The following MCTP2 variants were observed in gnomAD, a reference collection of about 807,000 sequenced individuals.
MCTP2 encodes the protein multiple C2 and transmembrane domain-containing protein 2.
MCTP2 carries 132 observed loss-of-function variants against 111.6 expected under a neutral mutation model. The observed-to-expected ratio is 1.18, with a 90% CI of 1.03 to 1.37. The LOEUF is 1.37. Ranked by LOEUF, MCTP2 falls within the 40% of genes most tolerant of loss-of-function variation. The pLI is 0.00. For missense variants in MCTP2, 1,183 were observed against 1,067.9 expected, an observed-to-expected ratio of 1.11 and a Z score of -1.50; for synonymous variants, 395 against 387.7, an observed-to-expected ratio of 1.02 and a Z score of -0.22.
intron 1 of MCTP2, among the ~76,000 whole-genome samples, chr15:94,297,383 C>A (rs1301979418): frequency 2.0e-5 from 3 of 152,168 alleles, no homozygotes; most frequent in Non-Finnish European, 4.4e-5. Context: ...TCTCAGGCTA[C>A]ATCTCAGAAG....
intron 4 of MCTP2, among the ~76,000 whole-genome samples, chr15:94,322,722 G>A (rs188221893): frequency 7.2e-5 from 11 of 152,290 alleles, no homozygotes; most frequent in Admixed American, 4.6e-4. Flanking sequence ...TGCTTTCAGC[G>A]GAAGCATCTT....
intron 1 of MCTP2, among the ~76,000 whole-genome samples, chr15:94,295,060 G>C (rs1479632859): frequency 7.2e-6 from 1 of 139,184 alleles, no homozygotes; most frequent in Non-Finnish European, 1.5e-5. Flanking sequence ...AGCAATTCTT[G>C]TGCCTCAGCC....
chr15:94,467,677 G>T (rs1194561509), intron 20 of MCTP2, among the ~76,000 whole-genome samples: 1 of 152,078 alleles, frequency 6.6e-6, no homozygotes, highest in Non-Finnish European at 1.5e-5. Flanking sequence ...TTACTAACCA[G>T]CCTGGAGAAG....
chr15:94,382,538 T>C (rs955989361), intron 12 of MCTP2, among the ~76,000 whole-genome samples: 1 of 152,274 alleles, frequency 6.6e-6, no homozygotes, highest in African/African-American at 2.4e-5. Flanking sequence ...TCATCGCCCA[T>C]GCGTCTGCTC....
chr15:94,324,480 C>T (rs960880984), intron 4 of MCTP2, among the ~76,000 whole-genome samples: 1 of 152,164 alleles, frequency 6.6e-6, no homozygotes, highest in Non-Finnish European at 1.5e-5. Context: ...TTACTAGGGC[C>T]GTGAAAATCA....
chr15:94,245,961 T>C (rs149758872), intron 1 of MCTP2, among the ~76,000 whole-genome samples: 1 of 152,166 alleles, frequency 6.6e-6, no homozygotes, highest in African/African-American at 2.4e-5. Context: ...AAAAGATTAT[T>C]AGTGGTAACC....
At chr15:94,269,861 G>C (rs1242625112) in intron 1 of MCTP2, among the ~76,000 whole-genome samples, 1 of 152,028 alleles carries the variant, frequency 6.6e-6, no homozygotes, top group Non-Finnish European at 1.5e-5. Flanking sequence ...ATATTTAGCC[G>C]TGATACTGTT....
rs2074404419 is a variant in MCTP2, at chr15:94,476,807, G to A, written c.2568+14G>A. On this transcript the variant is annotated intron_variant, in intron 22 of 22. Coordinates refer to ENST00000357742, the MANE Select transcript of MCTP2 (RefSeq NM_001385001.1). ...GATGTTCAAAAGGTATGTAATGAAT[G>A]GTTACCACCAACAGTGGCCCCAACC... The A allele has an allele frequency of 1.4e-6, 2 of 1,442,682 alleles. No individual in the cohort carries two copies. The highest frequency in any genetic ancestry group is 1.4e-5 in the African/African-American group (1 of 71,308). The allele number at this position is 1,442,682 out of a possible 1,614,324, so 89.4% of individuals were successfully genotyped here. A position where few individuals can be genotyped will look rare whatever the true frequency, so the allele number is the denominator to read the frequency against.
At position 94,469,643 on chromosome 15, in the gene MCTP2, G is replaced by T. The variant is rs936718740; in HGVS notation, c.2361-690G>T. On this transcript the variant is annotated intron_variant, in intron 20 of 22. Transcript: ENST00000357742. ...AGCACTTTGGGAGGTCAAGGCAGGA[G>T]AATTGCTTGACCCCAGGAGTTCGAG... Among the ~76,000 whole-genome samples, 3 of 152,260 alleles carry T rather than the reference G, an allele frequency of 2.0e-5. No individual in the cohort carries two copies. The South Asian group carries it at 6.2e-4, about 32-fold the overall frequency.
At chr15:94,258,460 C>T (rs892339569) in intron 1 of MCTP2, among the ~76,000 whole-genome samples, 1 of 152,004 alleles carries the variant, frequency 6.6e-6, no homozygotes, top group African/African-American at 2.4e-5. Context: ...TTTGAATGTG[C>T]CAGAGTAAGT....
intron 1 of MCTP2, among the ~76,000 whole-genome samples, chr15:94,233,363 T>G (rs1470036271): frequency 6.6e-6 from 1 of 152,130 alleles, no homozygotes; most frequent in Non-Finnish European, 1.5e-5. Context: ...GCCTGATATA[T>G]CCAAACAGGG....
At chr15:94,336,784 T>C (rs1227488883) in intron 4 of MCTP2, among the ~76,000 whole-genome samples, 1 of 152,018 alleles carries the variant, frequency 6.6e-6, no homozygotes, top group Non-Finnish European at 1.5e-5. Context: ...TATGTACTGC[T>C]GTGTGTTTGG....
chr15:94,468,502 C>G (rs76131514), intron 20 of MCTP2, among the ~76,000 whole-genome samples: 2,207 of 151,754 alleles, frequency 0.015, 56 homozygotes, highest in African/African-American at 0.045. Context: ...GGTTAGAAAT[C>G]ATAGAGAAAC....
chr15:94,357,547 G>GT (rs796565271), intron 9 of MCTP2, among the ~76,000 whole-genome samples: 2,864 of 132,772 alleles, frequency 0.022, 83 homozygotes, highest in African/African-American at 0.071. Context: ...GGCTTTTCTT[G>GT]TTTTTTTTTT....
At chr15:94,262,180 A>G (rs1346458688) in intron 1 of MCTP2, among the ~76,000 whole-genome samples, 1 of 152,208 alleles carries the variant, frequency 6.6e-6, no homozygotes, top group Non-Finnish European at 1.5e-5. Flanking sequence ...TGTTTTAAGT[A>G]CCAATAAATG....
At chr15:94,427,048 T>A (rs1342472572) in intron 17 of MCTP2, among the ~76,000 whole-genome samples, 1 of 152,122 alleles carries the variant, frequency 6.6e-6, no homozygotes, top group Non-Finnish European at 1.5e-5. Flanking sequence ...TTAACCTTCA[T>A]CCTAAGCATG....
At chr15:94,433,946 C>A (rs186521745) in intron 17 of MCTP2, among the ~76,000 whole-genome samples, 2 of 152,026 alleles carry the variant, frequency 1.3e-5, no homozygotes, top group Non-Finnish European at 2.9e-5. Context: ...TATATTGAGT[C>A]GTCTTATTAA....
At chr15:94,242,431 G>T (rs948660031) in intron 1 of MCTP2, among the ~76,000 whole-genome samples, 1 of 152,108 alleles carries the variant, frequency 6.6e-6, no homozygotes, top group Admixed American at 6.6e-5. Context: ...ACCTACAGAG[G>T]TTTGGGTAAG....
intron 1 of MCTP2, among the ~76,000 whole-genome samples, chr15:94,270,541 A>T (rs1055336415): frequency 2.0e-5 from 3 of 151,890 alleles, no homozygotes; most frequent in African/African-American, 7.3e-5. Flanking sequence ...CTTTGAGGTC[A>T]TCTCCTGGTG....
Sources: allele counts gnomAD v4.1 joint callset (sites outside exome capture counted in the v4.1 genomes callset), GRCh38; gene constraint gnomAD v4.1.1; transcripts MANE v1.5; gene names NCBI Gene and HGNC (gene_info 2026-07-23, HGNC 2026-07-21).